The following MAT1A variants were observed in gnomAD, a reference collection of about 807,000 sequenced individuals.
MAT1A encodes methionine adenosyltransferase 1A, also known as S-adenosylmethionine synthase isoform type-1.
MAT1A carries 19 observed loss-of-function variants against 44.0 expected under a neutral mutation model. The ratio of observed to expected loss-of-function variants is 0.43; its 90% CI spans 0.30 to 0.63. The LOEUF (loss-of-function observed/expected upper bound fraction) is 0.63. MAT1A is among the 30% of genes least tolerant of loss of function. The pLI, the probability that MAT1A is intolerant of heterozygous loss-of-function variation, is 0.12. For missense variants in MAT1A, 397 were observed against 531.0 expected (o/e 0.75, Z 2.48); for synonymous variants, 205 against 205.6 (o/e 1.00, Z 0.03).
At chr10:80,274,053 G>C (rs1053731691) in intron 8 of MAT1A, among the ~76,000 whole-genome samples, 170 bp from the exon 9 acceptor site, 5 of 152,132 alleles carry the variant, frequency 3.3e-5, no homozygotes, top group Admixed American at 6.5e-5. Context: ...CCATACCCTG[G>C]TCTCGTTTTA....
In MAT1A at chr10:80,275,116, C is replaced by T. The variant is rs920251779; in HGVS notation, c.852G>A (p.Gly284=). ...WGAHGGGAFS[G]KDYTKVDRSA... ...AGCGGTCTACCTTGGTGTAGTCCTT[C>T]CCAGAGAAGGCCCCACCACCATGAG... The change falls in exon 7 of 9, where the codon GGG becomes GGA. Residue 284 remains glycine, a synonymous_variant. Transcript: ENST00000372213. 17 of 1,611,376 alleles carry T rather than the reference C, an allele frequency of 1.1e-5. No homozygotes were observed. Among genetic ancestry groups the T allele is most frequent in the Non-Finnish European group, 1.4e-5 (17 of 1,178,890 alleles).
intron 8 of MAT1A, among the ~76,000 whole-genome samples, 195 bp from the exon 9 acceptor site, chr10:80,274,078 C>T (rs764003518): frequency 2.6e-5 from 4 of 152,196 alleles, no homozygotes; most frequent in Non-Finnish European, 5.9e-5. Context: ...CCCACGGATG[C>T]TTAGAGGTTC....
chr10:80,289,532 G>T lies in MAT1A; in HGVS notation c.-109C>A. ...CTTCTTCTTTCAACCCAACAGGCTT[G>T]TCTTTGGCAGAGCCACGGGGATCAC... On this transcript the variant is annotated 5_prime_UTR_variant, in exon 1 of 9. Coordinates refer to ENST00000372213, the MANE Select transcript of MAT1A (RefSeq NM_000429.3). 1 of 831,248 alleles carries T rather than the reference G, an allele frequency of 1.2e-6. No individual in the cohort carries two copies. Among genetic ancestry groups the T allele is most frequent in the South Asian group, 1.4e-5 (1 of 71,480 alleles). The allele number at this position is 831,248 out of a possible 1,614,324, so 51.5% of individuals were successfully genotyped here. A position where few individuals can be genotyped will look rare whatever the true frequency, so the allele number is the denominator to read the frequency against.
At chr10:80,279,982 A>G (rs1031579139) in intron 5 of MAT1A, among the ~76,000 whole-genome samples, 191 bp downstream of exon 5, 5 of 152,208 alleles carry the variant, frequency 3.3e-5, no homozygotes, top group African/African-American at 1.2e-4. Flanking sequence ...GAAATTTTTT[A>G]TAATAAAATG....
chr10:80,285,555 C>A lies in MAT1A; in HGVS notation c.126G>T (p.Leu42=). ...KICDQISDAV[L]DAHLKQDPNA... ...TGGGGTCTTGCTTGAGATGGGCATC[C>A]AGCACTGCATCACTGATCTGGTCAC... is the stretch of plus-strand genomic sequence containing the variant. Residue 42 remains leucine (L), a synonymous_variant, in exon 2 of 9, where the codon CTG becomes CTT. Transcript: ENST00000372213. 6.2e-7 allele frequency: 1 copy of A among 1,614,090 alleles called. No homozygotes were observed. Among genetic ancestry groups the A allele is most frequent in the Non-Finnish European group, 8.5e-7 (1 of 1,179,982 alleles).
chr10:80,282,937 G>A (rs1162413883), intron 3 of MAT1A, among the ~76,000 whole-genome samples: 1 of 152,188 alleles, frequency 6.6e-6, no homozygotes, highest in Non-Finnish European at 1.5e-5. Context: ...TTGATTACAG[G>A]TGTATAGCTA....
At chr10:80,280,395 T>C in intron 4 of MAT1A, 79 bp from the exon 5 acceptor site, 2 of 1,573,768 alleles carry the variant, frequency 1.3e-6, no homozygotes, top group East Asian at 2.3e-5. Flanking sequence ...GAAATCTCCC[T>C]GGTGTGTCCA....
At chr10:80,274,434 T>G in intron 8 of MAT1A, 86 bp downstream of exon 8, 2 of 1,567,538 alleles carry the variant, frequency 1.3e-6, no homozygotes, top group Non-Finnish European at 1.8e-6. Flanking sequence ...AGAAACATCC[T>G]CCTTTCTGCC....
intron 1 of MAT1A, among the ~76,000 whole-genome samples, chr10:80,287,917 G>A (rs961895786): frequency 2.0e-5 from 3 of 152,216 alleles, no homozygotes; most frequent in African/African-American, 7.2e-5. Flanking sequence ...GTGCACTGTA[G>A]GATGCTTAGC....
intron 1 of MAT1A, among the ~76,000 whole-genome samples, 177 bp from the exon 2 acceptor site, chr10:80,285,766 TCCTG>T (rs1258595593): frequency 6.6e-6 from 1 of 152,158 alleles, no homozygotes; most frequent in South Asian, 2.1e-4. Flanking sequence ...TTATTTCCAT[TCCTG>T]CCTAATTTTG....
At chr10:80,276,644 A>G (rs1589480739) in intron 5 of MAT1A, 50 bp from the exon 6 acceptor site, 2 of 1,582,092 alleles carry the variant, frequency 1.3e-6, no homozygotes, top group East Asian at 2.2e-5. Flanking sequence ...GGCTGAGCGA[A>G]CGGCACATCG....
At position 80,273,813 on chromosome 10, in the gene MAT1A, G is replaced by T; in HGVS notation, c.1156C>A (p.Pro386Thr). The part of the protein sequence containing the change: ...CYGHFGRSEF[P>T]WEVPRKLVF ...ACAAGCTTCCTGGGAACCTCCCATG[G>T]GAACTCGCTTCTTCCGAAATGGCCG... Residue 386 changes from proline to threonine, a missense_variant, in exon 9 of 9, where the codon CCA becomes ACA. By Grantham distance (38) the Pro-to-Thr change is conservative. Transcript: ENST00000372213. The T allele has an allele frequency of 1.2e-6, 2 of 1,613,810 alleles. No homozygotes were observed. The highest frequency in any genetic ancestry group is 2.2e-5 in the South Asian group (2 of 91,064).
At chr10:80,284,358 T>C (rs977053084) in intron 2 of MAT1A, among the ~76,000 whole-genome samples, 1 of 152,164 alleles carries the variant, frequency 6.6e-6, no homozygotes, top group Non-Finnish European at 1.5e-5. Flanking sequence ...AGGGAGATGA[T>C]GGTTGTATGT....
Position 80,271,979 on chromosome 10 carries a change from G to A in MAT1A, c.*1802C>T, listed in dbSNP as rs1039334442. The A allele has an allele frequency of 3.3e-5, 5 of 152,074 alleles. No homozygotes were observed. The highest frequency in any genetic ancestry group is 1.2e-4 in the African/African-American group (5 of 41,410). 9.4% of individuals were successfully genotyped at this position (152,074 alleles called of 1,614,324 possible). A position where few individuals can be genotyped will look rare whatever the true frequency, so the allele number is the denominator to read the frequency against. On this transcript the variant is annotated 3_prime_UTR_variant, in exon 9 of 9. Transcript: ENST00000372213. ...TTCATGTCGAGTGTGAGCCAAGTTA[G>A]AGGAACTTGGCCACCTGCAAACCAC...
At chr10:80,275,804 C>T (rs4934027) in intron 6 of MAT1A, among the ~76,000 whole-genome samples, 29,850 of 152,246 alleles carry the variant, frequency 0.2, 3,292 homozygotes, top group East Asian at 0.44. Context: ...TACTGGAACC[C>T]GGGATGGAGC....
rs148570980 is a variant in MAT1A, at chr10:80,279,214, C to A, written c.549+959G>T. ...ACCTTTGGAAGGATAGGCCACTGATCCTGGCCTGGCTGGGATGATGGCAGC... is the reference window on the plus strand; with the variant it reads ...ACCTTTGGAAGGATAGGCCACTGATACTGGCCTGGCTGGGATGATGGCAGC... On this transcript the variant is annotated intron_variant, in intron 5 of 8. Coordinates refer to ENST00000372213, the MANE Select transcript of MAT1A (RefSeq NM_000429.3). 2.1e-4 allele frequency among the ~76,000 whole-genome samples: 32 copies of A among 152,282 alleles called. No homozygotes were observed. The East Asian group carries it at 5.0e-3, about 24-fold the overall frequency.
In MAT1A at chr10:80,274,587, T is replaced by A. The variant is rs755084440; in HGVS notation, c.1018A>T (p.Lys340Ter). ...ACATCCAGCAGCTCTCGCTCTGTCT[T>A]CTGAGAGGTTCCGTAGGTGAAGATG... ...ISIFTYGTSQKTERELLDVVH... is the reference protein window; with the variant it reads ...ISIFTYGTSQ The change falls in exon 8 of 9, where the codon AAG (lysine) becomes TAG (stop). Residue 340 changes from lysine to a stop codon, truncating the protein, a stop_gained. Transcript: ENST00000372213. LOFTEE classifies it high-confidence loss of function. The A allele has an allele frequency of 1.9e-6, 3 of 1,614,210 alleles. No individual in the cohort carries two copies. The highest frequency in any genetic ancestry group is 2.5e-6 in the Non-Finnish European group (3 of 1,180,030).
intron 7 of MAT1A, 49 bp from the exon 8 acceptor site, chr10:80,274,702 G>A: frequency 6.2e-7 from 1 of 1,612,418 alleles, no homozygotes; most frequent in South Asian, 1.1e-5. Flanking sequence ...TGTGGGCCCT[G>A]CCCCTTTCAG....
chr10:80,288,208 G>C (rs936286454), intron 1 of MAT1A, among the ~76,000 whole-genome samples: 1 of 152,174 alleles, frequency 6.6e-6, no homozygotes, highest in Admixed American at 6.5e-5. Context: ...GCAAACACTC[G>C]AATGAATTTT....
Sources: gnomAD v4.1 joint callset for allele counts (sites outside exome capture counted in the v4.1 genomes callset) on GRCh38, gnomAD v4.1.1 for gene constraint, MANE v1.5 for transcripts, NCBI Gene and HGNC (gene_info 2026-07-23, HGNC 2026-07-21) for gene names.